CPNE9: variants seen among roughly 807,000 people sequenced by gnomAD.
CPNE9 encodes copine-9.
A neutral mutation model predicts 83.0 loss-of-function variants in CPNE9; 59 were observed. The ratio of observed to expected loss-of-function variants is 0.71; its 90% CI spans 0.58 to 0.88. The LOEUF is 0.88. CPNE9 is among the 40% of genes least tolerant of loss of function. CPNE9 has a pLI of 0.00. For missense variants in CPNE9, 619 were observed against 720.8 expected, an observed-to-expected ratio of 0.86 and a Z score of 1.62; for synonymous variants, 256 against 273.4, an observed-to-expected ratio of 0.94 and a Z score of 0.63.
intron 10 of CPNE9, among the ~76,000 whole-genome samples, chr3:9,714,667 A>C (rs1453250770): frequency 1.5e-5 from 2 of 130,222 alleles, no homozygotes; most frequent in African/African-American, 2.8e-5. Flanking sequence ...AAAAAAAAAA[A>C]ACCAACCAAA....
chr3:9,713,411 T>G (rs1021744706), intron 10 of CPNE9, among the ~76,000 whole-genome samples: 1 of 152,094 alleles, frequency 6.6e-6, no homozygotes, highest in Non-Finnish European at 1.5e-5. Flanking sequence ...GATGGATATA[T>G]GAGTGAATTG....
rs779986468 is a variant in CPNE9, at chr3:9,715,311, A to C, written c.715A>C (p.Thr239Pro). ...CAGCCACGATTTCATTGGTGAGTTC[A>C]CCACCAGCTACCGGGAGCTGAGCAA... ...DGSHDFIGEF[T>P]TSYRELSKAQ... The change falls in exon 12 of 21, where the codon ACC becomes CCC. Residue 239 changes from threonine (T) to proline (P), a missense_variant. Physicochemically the swap from Thr to Pro is conservative, Grantham distance 38. This residue lies in a region of CPNE9 where 438 missense variants were observed against 562.9 expected (regional missense o/e 0.78). Coordinates refer to ENST00000383832, the MANE Select transcript of CPNE9 (RefSeq NM_153635.3). 1 of 1,614,188 alleles carries C rather than the reference A, an allele frequency of 6.2e-7. No homozygotes were observed. The highest frequency in any genetic ancestry group is 1.1e-5 in the South Asian group (1 of 91,080).
At chr3:9,727,066 G>A in intron 19 of CPNE9, 47 bp from the exon 20 acceptor site, 4 of 1,604,258 alleles carry the variant, frequency 2.5e-6, no homozygotes, top group Non-Finnish European at 3.4e-6. Context: ...GCAGCATGGG[G>A]TGGGGCTGGA....
At chr3:9,715,931 C>T (rs772878049) in intron 13 of CPNE9, 43 bp from the exon 14 acceptor site, 1 of 1,579,784 alleles carries the variant, frequency 6.3e-7, no homozygotes, top group Non-Finnish European at 8.7e-7. Context: ...GCCACCCCAA[C>T]TGCCTTTTCC....
chr3:9,728,128 A>T (rs1004523005), intron 20 of CPNE9, among the ~76,000 whole-genome samples: 3 of 152,212 alleles, frequency 2.0e-5, no homozygotes, highest in African/African-American at 7.2e-5. Flanking sequence ...GGTTCGAAGT[A>T]TCTGTGACAA....
Position 9,722,160 on chromosome 3 carries a change from A to ACCC in CPNE9, c.1241+3565_1241+3567dup, listed in dbSNP as rs60666913. 8.8e-3 allele frequency among the ~76,000 whole-genome samples: 1,162 copies of ACCC among 131,824 alleles called. 24 individuals carry two copies. The highest frequency in any genetic ancestry group is 0.019 in the South Asian group (74 of 3,994). 86.5% of individuals were successfully genotyped at this position (131,824 alleles called of 152,430 possible). A position where few individuals can be genotyped will look rare whatever the true frequency, so the allele number is the denominator to read the frequency against. The stretch of plus-strand genomic sequence containing the variant: ...TCGAACTCCTGACCTCAGGTGATCC[A>ACCC]CCCCCCCCCGCCACCCGGCCTCCCA... On this transcript the variant is annotated intron_variant, in intron 17 of 20. Coordinates refer to ENST00000383832, the MANE Select transcript of CPNE9 (RefSeq NM_153635.3).
intron 14 of CPNE9, among the ~76,000 whole-genome samples, chr3:9,716,700 G>A (rs1306870597): frequency 6.6e-6 from 1 of 152,166 alleles, no homozygotes; most frequent in South Asian, 2.1e-4. Context: ...TCAAACTCCC[G>A]ACCTCAGGTG....
intron 7 of CPNE9, among the ~76,000 whole-genome samples, chr3:9,706,605 G>A (rs1367685230): frequency 6.6e-6 from 1 of 152,122 alleles, no homozygotes; most frequent in Non-Finnish European, 1.5e-5. Context: ...TGTGTGGGGA[G>A]GACAGTACAA....
chr3:9,712,490 C>A, intron 7 of CPNE9, 51 bp from the exon 8 acceptor site: 1 of 1,502,324 alleles, frequency 6.7e-7, no homozygotes, highest in Non-Finnish European at 9.3e-7. Flanking sequence ...GCCACTCAAT[C>A]CTTGTTGCCT....
In CPNE9 at chr3:9,705,265, T is replaced by C. The variant is rs554777951; in HGVS notation, c.261-199T>C. On this transcript the variant is annotated intron_variant, in intron 4 of 20. Transcript: ENST00000383832. Reference sequence around the variant, plus strand: ...ACACAACCCTGCCCCCAGCAGCCCCTGACTTGGCCTCGGCCCAGGCTTGAC... The same window carrying C: ...ACACAACCCTGCCCCCAGCAGCCCCCGACTTGGCCTCGGCCCAGGCTTGAC... Among the ~76,000 whole-genome samples the C allele has an allele frequency of 3.9e-4, 57 of 147,802 alleles. 1 individual carries two copies. The highest frequency in any genetic ancestry group is 1.4e-3 in the African/African-American group (54 of 39,314).
intron 17 of CPNE9, among the ~76,000 whole-genome samples, chr3:9,725,262 C>T (rs989960895): frequency 2.0e-5 from 3 of 152,144 alleles, no homozygotes; most frequent in East Asian, 1.9e-4. Flanking sequence ...AGACCAGGCA[C>T]GGTGGCTCAT....
chr3:9,705,871 T>A, intron 6 of CPNE9, 116 bp from the exon 7 acceptor site: 1 of 1,368,696 alleles, frequency 7.3e-7, no homozygotes, highest in South Asian at 1.2e-5. Flanking sequence ...GCCGTGGCTC[T>A]TGCACCACTC....
At chr3:9,706,190 A>G (rs1449821026) in intron 7 of CPNE9, 127 bp downstream of exon 7, 6 of 776,960 alleles carry the variant, frequency 7.7e-6, no homozygotes, top group Non-Finnish European at 1.2e-5. Flanking sequence ...CCCGGCTCCC[A>G]TCACCCTCGT....
rs35039978 is a variant in CPNE9 at position 9,715,565 on chromosome 3, TC to T, written c.822+41del. 2.0e-6 allele frequency: 3 copies of T among 1,535,720 alleles called. No individual in the cohort carries two copies. The East Asian group carries it at 6.7e-5, about 35-fold the overall frequency. ...AGAGCCGTGGCCCTCCCTGGATCCT[TC>T]CGTGTCTGTCCCCATTGACACAGCA... is the stretch of plus-strand genomic sequence containing the variant. On this transcript the variant is annotated intron_variant, in intron 13 of 20. Coordinates refer to ENST00000383832, the MANE Select transcript of CPNE9 (RefSeq NM_153635.3).
In CPNE9 at chr3:9,703,896, C is replaced by T. The variant is rs995229353; in HGVS notation, c.-101C>T. 28 of 991,690 alleles carry T rather than the reference C, an allele frequency of 2.8e-5. No individual in the cohort carries two copies. In the Admixed American group the frequency reaches 1.0e-3, roughly 37 times the overall value. 61.4% of individuals were successfully genotyped at this position (991,690 alleles called of 1,614,324 possible). On this transcript the variant is annotated 5_prime_UTR_variant, in exon 1 of 21. Transcript: ENST00000383832. Reference sequence around the variant, plus strand: ...GGAGCGAGTGCAGCCGCCGCCGCCGCCGACACCGCGGCACATGGGCCGGCC... The same window carrying T: ...GGAGCGAGTGCAGCCGCCGCCGCCGTCGACACCGCGGCACATGGGCCGGCC...
Position 9,704,084 on chromosome 3 carries a change from G to A in CPNE9, c.68+20G>A. The A allele has an allele frequency of 6.3e-7, 1 of 1,598,780 alleles. No individual in the cohort carries two copies. The highest frequency in any genetic ancestry group is 1.1e-5 in the South Asian group (1 of 88,796). ...CTGCCGGTGAGCGGGCCGCGCTGGG[G>A]AGGGCTTAGGCACTGGCACTGCCCC... On this transcript the variant is annotated intron_variant, in intron 1 of 20. Transcript: ENST00000383832. This position sits in a 1 kb window ranked among gnomAD's most constrained non-coding sequence, Gnocchi z 7.1.
rs1489780475 is a variant in CPNE9 at position 9,725,698 on chromosome 3, G to GTATATATGTATATATATGTATA, written c.1242-242_1242-241insATATATATGTATATATATATGT. ...TGTGTATATATATATACATATATGT[G>GTATATATGTATATATATGTATA]TATATATGTGTATATATGTGTATAT... is the stretch of plus-strand genomic sequence containing the variant. On this transcript the variant is annotated intron_variant, in intron 17 of 20. Coordinates refer to ENST00000383832, the MANE Select transcript of CPNE9 (RefSeq NM_153635.3). Among the ~76,000 whole-genome samples, 46 of 105,616 alleles carry GTATATATGTATATATATGTATA rather than the reference G, an allele frequency of 4.4e-4. 1 individual carries two copies. The highest frequency in any genetic ancestry group is 1.1e-3 in the African/African-American group (32 of 28,788). The allele number at this position is 105,616 out of a possible 152,430, so 69.3% of individuals were successfully genotyped here.
In CPNE9 at chr3:9,712,831, G is replaced by A. The variant is rs781519920; in HGVS notation, c.545+3G>A. The A allele has an allele frequency of 6.2e-7, 1 of 1,611,066 alleles. No individual in the cohort carries two copies. On this transcript the variant is annotated splice_donor_region_variant and intron_variant, in intron 9 of 20. Coordinates refer to ENST00000383832, the MANE Select transcript of CPNE9 (RefSeq NM_153635.3). ...TACAGGAGCAATGAGGATGGCACGT[G>A]AGTCACTGCCATCAGGGCTGTTAGG...
chr3:9,715,547 T>C (rs746043277), intron 13 of CPNE9, 21 bp downstream of exon 13: 1 of 1,603,044 alleles, frequency 6.2e-7, no homozygotes, highest in South Asian at 1.1e-5. Context: ...CCTAGAGCCG[T>C]GGCCCTCCCT....
Sources: gnomAD v4.1 joint callset for allele counts (sites outside exome capture counted in the v4.1 genomes callset) on GRCh38, gnomAD v4.1.1 for gene constraint, gnomAD v4.1.1 regional missense constraint, Gnocchi (gnomAD v3.1) non-coding constraint, MANE v1.5 for transcripts, NCBI Gene and HGNC (gene_info 2026-07-23, HGNC 2026-07-21) for gene names.